Variants in MYO3A observed in about 807,000 individuals in gnomAD.
MYO3A encodes the protein myosin IIIA.
In MYO3A, 180 loss-of-function variants were observed where a neutral mutation model predicts 192.7. The observed-to-expected ratio is 0.93, with a 90% CI of 0.83 to 1.06. The LOEUF (loss-of-function observed/expected upper bound fraction) is 1.06, where lower values mean the gene tolerates loss of function less well. Ranked by LOEUF, MYO3A falls within the 50% of genes least tolerant of loss-of-function variation. MYO3A has a pLI of 0.00. For missense variants in MYO3A, 1,896 were observed against 1,905.0 expected (o/e 1.00, Z 0.09); for synonymous variants, 628 against 645.3 (o/e 0.97, Z 0.41).
At chr10:26,028,579 A>C (rs1842665838) in intron 10 of MYO3A, among the ~76,000 whole-genome samples, 1 of 152,224 alleles carries the variant, frequency 6.6e-6, no homozygotes, top group South Asian at 2.1e-4. Flanking sequence ...ACCAATAATC[A>C]AAATAAACAG....
In MYO3A at chr10:26,212,338, A is replaced by G; in HGVS notation, c.*375A>G. 1 of 378,786 alleles carries G rather than the reference A, an allele frequency of 2.6e-6. No individual in the cohort carries two copies. Among genetic ancestry groups the G allele is most frequent in the Non-Finnish European group, 4.6e-6 (1 of 218,788 alleles). 23.5% of individuals were successfully genotyped at this position (378,786 alleles called of 1,614,324 possible). ...GCCAACCCCTCTCTCATTTGGGGTG[A>G]CTGAATTCACAGATTTTTTTTTTTA... On this transcript the variant is annotated 3_prime_UTR_variant, in exon 35 of 35. Transcript: ENST00000642920.
intron 20 of MYO3A, among the ~76,000 whole-genome samples, chr10:26,133,448 C>T (rs975192058): frequency 1.3e-5 from 2 of 152,188 alleles, no homozygotes; most frequent in East Asian, 3.9e-4. Flanking sequence ...GCCTCTCAGG[C>T]TCTGTGTTCC....
rs372382594 is a variant in MYO3A, at chr10:26,192,051, C to T, written c.4439-1154C>T. ...TCTATCTGTCGAGCAGACATTCTTG[C>T]GCAAACAGAGTCGGTGGATGGGGTG... is the stretch of plus-strand genomic sequence containing the variant. On this transcript the variant is annotated intron_variant, in intron 31 of 34. Transcript: ENST00000642920. Among the ~76,000 whole-genome samples, 8 of 152,198 alleles carry T rather than the reference C, an allele frequency of 5.3e-5. No homozygotes were observed. In the South Asian group the frequency reaches 6.2e-4, roughly 12 times the overall value.
intron 10 of MYO3A, among the ~76,000 whole-genome samples, chr10:26,060,214 A>G (rs76725843): frequency 0.39 from 59,484 of 151,110 alleles, 12,035 homozygotes; most frequent in Middle Eastern, 0.53. Context: ...AGCGAAGATC[A>G]TGCCATTGCA....
chr10:26,153,719 AG>A (rs1358888686), intron 23 of MYO3A, 130 bp from the exon 24 acceptor site: 1 of 629,920 alleles, frequency 1.6e-6, no homozygotes, highest in Non-Finnish European at 2.8e-6. Flanking sequence ...CTCCATAAAT[AG>A]TTAACCAAGC....
intron 22 of MYO3A, among the ~76,000 whole-genome samples, chr10:26,145,818 A>G (rs898898443): frequency 6.6e-6 from 1 of 152,224 alleles, no homozygotes; most frequent in Non-Finnish European, 1.5e-5. Context: ...AACAATCATA[A>G]GTTTATAGTT....
intron 15 of MYO3A, among the ~76,000 whole-genome samples, chr10:26,093,908 A>G (rs1180137048): frequency 1.3e-5 from 2 of 152,168 alleles, no homozygotes; most frequent in Non-Finnish European, 2.9e-5. Context: ...GAATGGAACT[A>G]TCCTTCTCTA....
intron 11 of MYO3A, 144 bp downstream of exon 11, chr10:26,067,218 A>G (rs774435217): frequency 2.0e-5 from 13 of 634,624 alleles, no homozygotes; most frequent in Admixed American, 9.5e-5. Flanking sequence ...CATGTCTCCC[A>G]TCTGTAAGTC....
At chr10:26,200,506 G>A (rs1843633075) in intron 32 of MYO3A, among the ~76,000 whole-genome samples, 1 of 152,176 alleles carries the variant, frequency 6.6e-6, no homozygotes, top group African/African-American at 2.4e-5. Flanking sequence ...GAGCTCAAAT[G>A]TATTGAAGTA....
At position 25,952,061 on chromosome 10, in the gene MYO3A, A is replaced by G. The variant is rs369081547; in HGVS notation, c.-17-33A>G. 5.3e-4 allele frequency: 808 copies of G among 1,513,014 alleles called. 2 individuals carry two copies. The Middle Eastern group carries it at 0.017, about 32-fold the overall frequency. 93.7% of individuals were successfully genotyped at this position (1,513,014 alleles called of 1,614,324 possible). On this transcript the variant is annotated intron_variant, in intron 2 of 34. Transcript: ENST00000642920. ...TGTGTGCCATTTGATATCCTCAATCAACTGTAGATGAAACTGTACTTCTTA... is the reference window on the plus strand; with the variant it reads ...TGTGTGCCATTTGATATCCTCAATCGACTGTAGATGAAACTGTACTTCTTA...
At chr10:26,174,708 A>G in intron 30 of MYO3A, 151 bp downstream of exon 30, 1 of 713,012 alleles carries the variant, frequency 1.4e-6, no homozygotes, top group Admixed American at 2.9e-5. Flanking sequence ...GGATTGTGCT[A>G]TTCAAATAGC....
At chr10:26,004,424 T>G (rs1841049047) in intron 6 of MYO3A, among the ~76,000 whole-genome samples, 1 of 151,416 alleles carries the variant, frequency 6.6e-6, no homozygotes, top group Non-Finnish European at 1.5e-5. Flanking sequence ...TTATATATAT[T>G]TAATATCTGT....
At chr10:26,209,985 C>T (rs955516447) in intron 34 of MYO3A, among the ~76,000 whole-genome samples, 4 of 152,164 alleles carry the variant, frequency 2.6e-5, no homozygotes, top group Middle Eastern at 3.4e-3. Context: ...TGCCTGTAGT[C>T]CCAGCTACTC....
At chr10:26,134,650 T>G (rs554771626) in intron 20 of MYO3A, among the ~76,000 whole-genome samples, 1 of 152,178 alleles carries the variant, frequency 6.6e-6, no homozygotes, top group African/African-American at 2.4e-5. Flanking sequence ...AAGTTTTAAA[T>G]TATTTCAAAA....
chr10:26,117,193 T>G (rs2131678336), intron 17 of MYO3A, among the ~76,000 whole-genome samples: 1 of 152,346 alleles, frequency 6.6e-6, no homozygotes, highest in African/African-American at 2.4e-5. Flanking sequence ...TTCATTATTT[T>G]GCTGGATTCA....
rs115785559 is a variant in MYO3A, at chr10:26,106,155, C to T, written c.1776+9473C>T. Among the ~76,000 whole-genome samples, 188 of 152,168 alleles carry T rather than the reference C, an allele frequency of 1.2e-3. 2 individuals are homozygous for T. The highest frequency in any genetic ancestry group is 3.7e-3 in the African/African-American group (155 of 41,546). ...GTAAGATCAATATATTCAATTCCAA[C>T]AACCCCACTTGGACTTTTAATTAGA... On this transcript the variant is annotated intron_variant, in intron 17 of 34. Transcript: ENST00000642920.
At chr10:26,114,284 G>T (rs1838373563) in intron 17 of MYO3A, among the ~76,000 whole-genome samples, 1 of 152,150 alleles carries the variant, frequency 6.6e-6, no homozygotes, top group Non-Finnish European at 1.5e-5. Context: ...TCTCACATGG[G>T]CATCAGTTAG....
intron 23 of MYO3A, among the ~76,000 whole-genome samples, chr10:26,147,779 T>C: frequency 6.6e-6 from 1 of 152,182 alleles, no homozygotes; most frequent in East Asian, 1.9e-4. Flanking sequence ...TTTGCAGCAG[T>C]CATGCAGAAA....
At chr10:25,996,733 G>A in intron 5 of MYO3A, 139 bp downstream of exon 5, 1 of 747,290 alleles carries the variant, frequency 1.3e-6, no homozygotes, top group South Asian at 1.6e-5. Context: ...AATCTGACAT[G>A]TTCAGCATAG....
Sources: allele counts gnomAD v4.1 joint callset (sites outside exome capture counted in the v4.1 genomes callset), GRCh38; gene constraint gnomAD v4.1.1; transcripts MANE v1.5; gene names NCBI Gene and HGNC (gene_info 2026-07-23, HGNC 2026-07-21).